TBC1D22A: variants seen among roughly 807,000 people sequenced by gnomAD.
TBC1D22A encodes TBC1 domain family member 22A, also known as putative GTPase activator.
TBC1D22A carries 38 observed loss-of-function variants against 60.2 expected under a neutral mutation model. That is an observed-to-expected ratio of 0.63 (90% confidence interval 0.49 to 0.83). TBC1D22A has a LOEUF of 0.83. Among genes scored for constraint, TBC1D22A ranks in the 40% least tolerant of loss-of-function variants. The pLI, the probability that TBC1D22A is intolerant of heterozygous loss-of-function variation, is 0.00. For synonymous variants in TBC1D22A, 302 were observed against 281.7 expected (o/e 1.07, Z -0.72); for missense variants, 628 against 701.0 (o/e 0.90, Z 1.18).
intron 1 of TBC1D22A, among the ~76,000 whole-genome samples, chr22:46,776,077 G>A (rs801625): frequency 0.16 from 25,043 of 152,246 alleles, 2,928 homozygotes; most frequent in African/African-American, 0.33. Flanking sequence ...GGTGCCAAGC[G>A]GGCCACGGAG....
intron 7 of TBC1D22A, among the ~76,000 whole-genome samples, chr22:46,910,823 G>A (rs915294549): frequency 4.0e-5 from 6 of 150,546 alleles, no homozygotes; most frequent in Non-Finnish European, 8.8e-5. Context: ...GTAGGAGTAC[G>A]GGCTGATCAC....
At chr22:47,078,710 G>C in intron 11 of TBC1D22A, among the ~76,000 whole-genome samples, 1 of 152,232 alleles carries the variant, frequency 6.6e-6, no homozygotes, top group Non-Finnish European at 1.5e-5. Context: ...TCCAGTGTCT[G>C]CTGCACTACC....
intron 10 of TBC1D22A, among the ~76,000 whole-genome samples, chr22:47,005,708 A>G (rs745379074): frequency 7.9e-5 from 12 of 150,966 alleles, no homozygotes. Context: ...ATACACCTAC[A>G]TGCCTATATA....
At chr22:46,912,807 C>T (rs148809172) in intron 8 of TBC1D22A, among the ~76,000 whole-genome samples, 1,689 of 152,228 alleles carry the variant, frequency 0.011, 40 homozygotes, top group African/African-American at 0.039. Flanking sequence ...TGCCCGCCTT[C>T]GCCTCCCAAA....
intron 10 of TBC1D22A, among the ~76,000 whole-genome samples, chr22:47,017,430 G>C (rs890145779): frequency 3.3e-5 from 5 of 152,174 alleles, no homozygotes; most frequent in African/African-American, 1.2e-4. Flanking sequence ...CCCTCCCTGA[G>C]TGTTGGGGGA....
chr22:47,018,116 A>G (rs6008024), intron 10 of TBC1D22A, among the ~76,000 whole-genome samples: 3,572 of 152,358 alleles, frequency 0.023, 123 homozygotes, highest in African/African-American at 0.081. Flanking sequence ...GGCCTGTGCC[A>G]GGCGTGGGGG....
At chr22:47,042,252 A>G (rs2095774299) in intron 11 of TBC1D22A, among the ~76,000 whole-genome samples, 1 of 152,182 alleles carries the variant, frequency 6.6e-6, no homozygotes, top group Admixed American at 6.5e-5. Context: ...CTCAGTTACC[A>G]GGCTGTGCAT....
At chr22:46,873,223 G>T (rs1012990097) in intron 4 of TBC1D22A, among the ~76,000 whole-genome samples, 1 of 152,130 alleles carries the variant, frequency 6.6e-6, no homozygotes, top group African/African-American at 2.4e-5. Context: ...AATAAAATAT[G>T]GGTAAAGGAT....
At chr22:46,810,863 T>A (rs939243139) in intron 4 of TBC1D22A, among the ~76,000 whole-genome samples, 10 of 152,324 alleles carry the variant, frequency 6.6e-5, no homozygotes, top group Admixed American at 3.9e-4. Flanking sequence ...AGATTCCTCC[T>A]GGGAGATAGG....
chr22:46,791,005 C>T (rs566971590), intron 1 of TBC1D22A, among the ~76,000 whole-genome samples: 1 of 152,280 alleles, frequency 6.6e-6, no homozygotes, highest in South Asian at 2.1e-4. Flanking sequence ...TCACTGCAAC[C>T]TCCACCTCCC....
intron 12 of TBC1D22A, among the ~76,000 whole-genome samples, chr22:47,172,353 G>C (rs540829988): frequency 6.6e-6 from 1 of 152,300 alleles, no homozygotes; most frequent in East Asian, 1.9e-4. Context: ...ATAAAAATTT[G>C]TACTATGTGA....
chr22:47,046,185 A>G (rs2063027310), intron 11 of TBC1D22A, among the ~76,000 whole-genome samples: 1 of 152,272 alleles, frequency 6.6e-6, no homozygotes, highest in South Asian at 2.1e-4. Flanking sequence ...GTCCAAGTCC[A>G]AGTACCTTAC....
intron 11 of TBC1D22A, among the ~76,000 whole-genome samples, chr22:47,103,934 A>G (rs1017007661): frequency 1.3e-5 from 2 of 152,146 alleles, no homozygotes; most frequent in African/African-American, 4.8e-5. Flanking sequence ...GAAATTCAAA[A>G]TATTTTACCC....
At chr22:46,860,878 C>T (rs967247470) in intron 4 of TBC1D22A, among the ~76,000 whole-genome samples, 1 of 152,218 alleles carries the variant, frequency 6.6e-6, no homozygotes, top group African/African-American at 2.4e-5. Context: ...GGGTGTGGGA[C>T]AGAGGGAGAA....
chr22:46,980,366 A>T (rs1279572276), intron 9 of TBC1D22A, among the ~76,000 whole-genome samples: 1 of 152,186 alleles, frequency 6.6e-6, no homozygotes, highest in African/African-American at 2.4e-5. Context: ...TATTTTTAGT[A>T]GAGACGGGGT....
At chr22:46,884,510 G>A (rs2068013133) in intron 5 of TBC1D22A, among the ~76,000 whole-genome samples, 1 of 152,200 alleles carries the variant, frequency 6.6e-6, no homozygotes, top group Admixed American at 6.5e-5. Flanking sequence ...GACCGAGAGA[G>A]GGTGCTCTTG....
chr22:47,023,615 C>A lies in TBC1D22A; in HGVS notation c.1202-13456C>A, dbSNP rs142797593. ...GAAGCATCCAGAGGAGAAGAGACAC[C>A]CTGCATTACAAAGGTAAGCATGACA... On this transcript the variant is annotated intron_variant, in intron 10 of 12. Transcript: ENST00000337137. Among the ~76,000 whole-genome samples, 1,116 of 152,194 alleles carry A rather than the reference C, an allele frequency of 7.3e-3. 9 individuals are homozygous for A. The highest frequency in any genetic ancestry group is 0.031 in the Middle Eastern group (9 of 294).
In TBC1D22A at chr22:46,990,087, C is replaced by T. The variant is rs905371460; in HGVS notation, c.1126-7547C>T. Among the ~76,000 whole-genome samples the T allele has an allele frequency of 4.6e-5, 7 of 152,256 alleles. No individual in the cohort carries two copies. Among genetic ancestry groups the T allele is most frequent in the Middle Eastern group, 3.4e-3 (1 of 294 alleles). Reference sequence around the variant, plus strand: ...CCAAAGTGCTGGGATTACAGATGTGCGCCACCGCGCCCGGCCGCAAAATGT... The same window carrying T: ...CCAAAGTGCTGGGATTACAGATGTGTGCCACCGCGCCCGGCCGCAAAATGT... On this transcript the variant is annotated intron_variant, in intron 9 of 12. Transcript: ENST00000337137. The surrounding 1 kb of genome is among the most constrained non-coding windows in gnomAD (Gnocchi z 4.6).
At chr22:47,163,217 G>T (rs28626419) in intron 12 of TBC1D22A, among the ~76,000 whole-genome samples, 347 of 152,322 alleles carry the variant, frequency 2.3e-3, no homozygotes, top group African/African-American at 8.0e-3. Flanking sequence ...GCCATCGAAG[G>T]CTTGGGAGGC....
Sources: gnomAD v4.1 joint callset for allele counts (sites outside exome capture counted in the v4.1 genomes callset) on GRCh38, gnomAD v4.1.1 for gene constraint, Gnocchi (gnomAD v3.1) non-coding constraint, MANE v1.5 for transcripts, NCBI Gene and HGNC (gene_info 2026-07-23, HGNC 2026-07-21) for gene names.